The following ZMIZ1 variants were observed in gnomAD, a reference collection of about 807,000 sequenced individuals.
ZMIZ1 encodes zinc finger MIZ-type containing 1, also known as zinc finger MIZ domain-containing protein 1.
ZMIZ1 carries 17 observed loss-of-function variants against 113.9 expected under a neutral mutation model. The observed-to-expected ratio is 0.15, with a 90% CI of 0.10 to 0.22. ZMIZ1 has a LOEUF of 0.22. ZMIZ1 is among the 10% of genes least tolerant of loss of function. The pLI is 1.00. For missense variants in ZMIZ1, 1,059 were observed against 1,477.8 expected (o/e 0.72, Z 4.65); for synonymous variants, 607 against 603.1 (o/e 1.01, Z -0.09).
At chr10:79,206,272 G>A (rs900109670) in intron 5 of ZMIZ1, among the ~76,000 whole-genome samples, 1 of 152,214 alleles carries the variant, frequency 6.6e-6, no homozygotes, top group Admixed American at 6.5e-5. Flanking sequence ...CCTCTGAGAT[G>A]GACCTCAGAG....
At chr10:79,116,856 T>C (rs958226750) in intron 1 of ZMIZ1, among the ~76,000 whole-genome samples, 2 of 152,258 alleles carry the variant, frequency 1.3e-5, no homozygotes, top group African/African-American at 4.8e-5. Context: ...CCGACTGTCC[T>C]GACTTCCAGC....
rs115647620 is a variant in ZMIZ1, at chr10:79,174,201, T to C, written c.-50+12068T>C. 4.2e-3 allele frequency among the ~76,000 whole-genome samples: 636 copies of C among 152,260 alleles called. 7 individuals carry two copies. Among genetic ancestry groups the C allele is most frequent in the African/African-American group, 0.015 (610 of 41,538 alleles). On this transcript the variant is annotated intron_variant, in intron 4 of 24. Transcript: ENST00000334512. ...AGGCCTGCCCATATTAGATTGCAGC[T>C]TGGAGCCCTTCTCAGCATCACCCAG...
rs1398182628 is a variant in ZMIZ1, at chr10:79,069,570, C to T, written c.-337+300C>T. 8.7e-5 allele frequency among the ~76,000 whole-genome samples: 13 copies of T among 150,048 alleles called. No homozygotes were observed. Among genetic ancestry groups the T allele is most frequent in the Admixed American group, 4.0e-4 (6 of 15,154 alleles). Reference sequence around the variant, plus strand: ...GGTCGTGCGCGCGCGGACCCGGTGCCCGCCTCCTGCCGGCGCGCCTCCAGC... The same window carrying T: ...GGTCGTGCGCGCGCGGACCCGGTGCTCGCCTCCTGCCGGCGCGCCTCCAGC... On this transcript the variant is annotated intron_variant, in intron 1 of 24. Transcript: ENST00000334512. The surrounding 1 kb of genome is among the most constrained non-coding windows in gnomAD (Gnocchi z 4.6).
At chr10:79,309,684 G>C (rs1322349545) in intron 23 of ZMIZ1, among the ~76,000 whole-genome samples, 2 of 152,232 alleles carry the variant, frequency 1.3e-5, no homozygotes, top group African/African-American at 2.4e-5. Flanking sequence ...GGAAGAGGAA[G>C]GAAGTTGGGG....
At chr10:79,139,633 C>T (rs1482130586) in intron 2 of ZMIZ1, 49 bp from the exon 3 acceptor site, 2 of 398,138 alleles carry the variant, frequency 5.0e-6, no homozygotes, top group Non-Finnish European at 8.9e-6. Context: ...GAGTGGACGG[C>T]ACACCGGCCT....
chr10:79,224,651 G>A lies in ZMIZ1; in HGVS notation c.280+8377G>A, dbSNP rs145877131. Reference sequence around the variant, plus strand: ...CCCTCAGCAGCCCACCCCCTATGCCGCCCCACGGCCACCTGATTGGGATAG... The same window carrying A: ...CCCTCAGCAGCCCACCCCCTATGCCACCCCACGGCCACCTGATTGGGATAG... On this transcript the variant is annotated intron_variant, in intron 7 of 24. Transcript: ENST00000334512. Among the ~76,000 whole-genome samples, 788 of 152,334 alleles carry A rather than the reference G, an allele frequency of 5.2e-3. 3 individuals carry two copies. The highest frequency in any genetic ancestry group is 0.02 in the Middle Eastern group (6 of 294).
At chr10:79,168,613 T>G (rs184036044) in intron 4 of ZMIZ1, among the ~76,000 whole-genome samples, 169 of 152,328 alleles carry the variant, frequency 1.1e-3, no homozygotes, top group African/African-American at 3.9e-3. Context: ...TCCCAGTTGT[T>G]AATGTGCTTG....
intron 1 of ZMIZ1, among the ~76,000 whole-genome samples, chr10:79,085,396 T>C (rs73296108): frequency 6.6e-6 from 1 of 152,304 alleles, no homozygotes; most frequent in African/African-American, 2.4e-5. Context: ...AGTTCCCACC[T>C]GCCATTTGCA....
intron 13 of ZMIZ1, 94 bp from the exon 14 acceptor site, chr10:79,297,519 C>T: frequency 9.3e-7 from 1 of 1,071,042 alleles, no homozygotes; most frequent in Non-Finnish European, 1.4e-6. Context: ...TGTAGCATCC[C>T]CGTGCTCCTG....
At chr10:79,270,413 T>C (rs1851875583) in intron 7 of ZMIZ1, among the ~76,000 whole-genome samples, 1 of 152,178 alleles carries the variant, frequency 6.6e-6, no homozygotes, top group African/African-American at 2.4e-5. Context: ...CGCCATAGCA[T>C]CCTTGGGTGC....
At chr10:79,233,548 G>A (rs1019274927) in intron 7 of ZMIZ1, among the ~76,000 whole-genome samples, 1 of 152,146 alleles carries the variant, frequency 6.6e-6, no homozygotes, top group African/African-American at 2.4e-5. Context: ...CCAGCTCTTC[G>A]TACCATCTCA....
chr10:79,137,827 G>C lies in ZMIZ1; in HGVS notation c.-226-1855G>C, dbSNP rs112118104. Among the ~76,000 whole-genome samples, 17 of 105,618 alleles carry C rather than the reference G, an allele frequency of 1.6e-4. No homozygotes were observed. In the East Asian group the frequency reaches 4.0e-3, roughly 25 times the overall value. 69.3% of individuals were successfully genotyped at this position (105,618 alleles called of 152,430 possible). ...CCTCTGAGAGGACGGGCCCTCGGCT[G>C]GGGGGGGGGTGCTCCTAGGGTGGGC... is the stretch of plus-strand genomic sequence containing the variant. On this transcript the variant is annotated intron_variant, in intron 2 of 24. Transcript: ENST00000334512.
At chr10:79,182,819 T>C (rs1292291402) in intron 4 of ZMIZ1, among the ~76,000 whole-genome samples, 1 of 152,198 alleles carries the variant, frequency 6.6e-6, no homozygotes, top group Non-Finnish European at 1.5e-5. Context: ...ATGAAATAAA[T>C]CTTGAACACT....
At chr10:79,222,640 T>A (rs1211690432) in intron 7 of ZMIZ1, among the ~76,000 whole-genome samples, 1 of 152,166 alleles carries the variant, frequency 6.6e-6, no homozygotes, top group East Asian at 1.9e-4. Flanking sequence ...CTGGCCAGCC[T>A]GGGAGGTAAA....
At chr10:79,248,651 G>A (rs966942900) in intron 7 of ZMIZ1, among the ~76,000 whole-genome samples, 3 of 152,290 alleles carry the variant, frequency 2.0e-5, no homozygotes, top group African/African-American at 7.2e-5. Flanking sequence ...CCCATGGTGG[G>A]GGGCGAGGGC....
At chr10:79,074,803 C>T (rs1242251066) in intron 1 of ZMIZ1, among the ~76,000 whole-genome samples, 5 of 152,218 alleles carry the variant, frequency 3.3e-5, no homozygotes, top group African/African-American at 1.2e-4. Flanking sequence ...GGGGTTCAGG[C>T]CAGGGAGCAG....
chr10:79,139,264 C>T (rs370680847), intron 2 of ZMIZ1, among the ~76,000 whole-genome samples: 1 of 152,074 alleles, frequency 6.6e-6, no homozygotes, highest in East Asian at 1.9e-4. Flanking sequence ...TGAGATAATT[C>T]CCCGAAGCCA....
At chr10:79,114,867 G>A (rs1398952560) in intron 1 of ZMIZ1, among the ~76,000 whole-genome samples, 1 of 152,176 alleles carries the variant, frequency 6.6e-6, no homozygotes, top group Admixed American at 6.5e-5. Context: ...TGGGGTGTGG[G>A]TGGTGGAGTG....
chr10:79,240,704 C>T (rs1589466998), intron 7 of ZMIZ1, among the ~76,000 whole-genome samples: 1 of 129,920 alleles, frequency 7.7e-6, no homozygotes, highest in Non-Finnish European at 1.5e-5. Flanking sequence ...GGTCTCAAGC[C>T]GGAGGAGCGT....
Sources: gnomAD v4.1 joint callset for allele counts (sites outside exome capture counted in the v4.1 genomes callset) on GRCh38, gnomAD v4.1.1 for gene constraint, Gnocchi (gnomAD v3.1) non-coding constraint, MANE v1.5 for transcripts, NCBI Gene and HGNC (gene_info 2026-07-23, HGNC 2026-07-21) for gene names.